SMAP1: variants seen among roughly 807,000 people sequenced by gnomAD.
SMAP1 encodes stromal membrane-associated protein 1.
SMAP1 carries 24 observed loss-of-function variants against 58.5 expected under a neutral mutation model. The observed-to-expected ratio is 0.41, with a 90% CI of 0.30 to 0.58. SMAP1 has a LOEUF of 0.58. SMAP1 is among the 20% of genes least tolerant of loss of function. SMAP1 has a pLI of 0.29. For synonymous variants in SMAP1, 216 were observed against 196.6 expected (o/e 1.10, Z -0.82); for missense variants, 563 against 566.3 (o/e 0.99, Z 0.06).
At chr6:70,689,848 T>G (rs529341511) in intron 1 of SMAP1, among the ~76,000 whole-genome samples, 1 of 152,304 alleles carries the variant, frequency 6.6e-6, no homozygotes, top group South Asian at 2.1e-4. Context: ...CTTTAAAAAT[T>G]TTAATTTCTG....
intron 2 of SMAP1, among the ~76,000 whole-genome samples, chr6:70,747,220 C>T (rs1193585593): frequency 6.6e-6 from 1 of 152,088 alleles, no homozygotes; most frequent in East Asian, 1.9e-4. Flanking sequence ...ATTATCTGGT[C>T]ATATGGTAAG....
intron 6 of SMAP1, among the ~76,000 whole-genome samples, chr6:70,824,303 A>T (rs530385501): frequency 2.0e-5 from 3 of 152,170 alleles, no homozygotes; most frequent in African/African-American, 7.2e-5. Context: ...TCATAAGGTC[A>T]GTATGATAGC....
chr6:70,810,451 T>C (rs1769338063), intron 6 of SMAP1, among the ~76,000 whole-genome samples: 1 of 152,256 alleles, frequency 6.6e-6, no homozygotes, highest in African/African-American at 2.4e-5. Flanking sequence ...ACTAATGCCT[T>C]GGCATTCATC....
intron 6 of SMAP1, among the ~76,000 whole-genome samples, chr6:70,799,504 AT>A: frequency 6.6e-6 from 1 of 152,158 alleles, no homozygotes; most frequent in Middle Eastern, 3.2e-3. Context: ...CTTTGAATGC[AT>A]TTCATCATAA....
chr6:70,713,295 T>C (rs913669395), intron 1 of SMAP1, among the ~76,000 whole-genome samples: 3 of 152,192 alleles, frequency 2.0e-5, no homozygotes, highest in African/African-American at 7.2e-5. Flanking sequence ...TTACTTTCTT[T>C]CTTCTGCTAA....
intron 6 of SMAP1, among the ~76,000 whole-genome samples, chr6:70,806,682 A>G (rs1165370572): frequency 6.6e-6 from 1 of 152,228 alleles, no homozygotes; most frequent in East Asian, 1.9e-4. Flanking sequence ...TATTTATTCT[A>G]GAATTAGTTT....
chr6:70,840,213 A>C (rs1033174539), intron 7 of SMAP1, among the ~76,000 whole-genome samples: 1 of 152,142 alleles, frequency 6.6e-6, no homozygotes, highest in African/African-American at 2.4e-5. Context: ...GATCCTTGGG[A>C]CTCACGGCCT....
chr6:70,722,693 A>G (rs1014757605), intron 1 of SMAP1, among the ~76,000 whole-genome samples: 8 of 152,266 alleles, frequency 5.3e-5, no homozygotes, highest in African/African-American at 1.7e-4. Flanking sequence ...TAGATTAACT[A>G]AAAGTATTCC....
At chr6:70,762,332 A>G (rs1766785338) in intron 3 of SMAP1, among the ~76,000 whole-genome samples, 1 of 152,168 alleles carries the variant, frequency 6.6e-6, no homozygotes, top group Non-Finnish European at 1.5e-5. Context: ...AGAGCTATGA[A>G]GGGACAGTTG....
chr6:70,690,931 A>G (rs1309631107), intron 1 of SMAP1, among the ~76,000 whole-genome samples: 2 of 151,002 alleles, frequency 1.3e-5, no homozygotes, highest in African/African-American at 2.4e-5. Context: ...CTATTCCTTA[A>G]TCGTTTGGTA....
chr6:70,713,438 A>G (rs1180260447), intron 1 of SMAP1, among the ~76,000 whole-genome samples: 1 of 151,596 alleles, frequency 6.6e-6, no homozygotes, highest in East Asian at 1.9e-4. Context: ...GTATCACGTA[A>G]GTTTTGGTTT....
intron 7 of SMAP1, among the ~76,000 whole-genome samples, chr6:70,847,892 AGT>A (rs373993407): frequency 1.5e-4 from 22 of 151,576 alleles, no homozygotes; most frequent in African/African-American, 3.1e-4. Flanking sequence ...TGAAAGAGGA[AGT>A]GTGTGTGTGT....
chr6:70,740,519 TC>T (rs779167587), intron 2 of SMAP1, among the ~76,000 whole-genome samples: 19 of 152,142 alleles, frequency 1.2e-4, no homozygotes, highest in Non-Finnish European at 2.2e-4. Context: ...ATGTTCTTGT[TC>T]TGTTCCCTTT....
intron 1 of SMAP1, among the ~76,000 whole-genome samples, chr6:70,683,718 A>G (rs1766820490): frequency 6.6e-6 from 1 of 152,228 alleles, no homozygotes; most frequent in Non-Finnish European, 1.5e-5. Context: ...TTTCAGTTTC[A>G]GATCTATATC....
intron 1 of SMAP1, among the ~76,000 whole-genome samples, chr6:70,677,785 C>T (rs955253234): frequency 4.6e-5 from 7 of 151,940 alleles, no homozygotes; most frequent in African/African-American, 1.7e-4. Flanking sequence ...GCAAATTTAC[C>T]TAGTATTATC....
At chr6:70,737,450 A>G (rs1025100573) in intron 2 of SMAP1, among the ~76,000 whole-genome samples, 7 of 152,276 alleles carry the variant, frequency 4.6e-5, no homozygotes, top group African/African-American at 1.7e-4. Context: ...CTTGGCCGGA[A>G]ATGTATTTTG....
intron 7 of SMAP1, among the ~76,000 whole-genome samples, chr6:70,840,222 C>T (rs1436878907): frequency 6.6e-6 from 1 of 152,142 alleles, no homozygotes; most frequent in East Asian, 1.9e-4. Flanking sequence ...GACTCACGGC[C>T]TTCTTTATCA....
intron 2 of SMAP1, among the ~76,000 whole-genome samples, chr6:70,733,544 C>CT (rs1171670773): frequency 6.6e-6 from 1 of 151,976 alleles, no homozygotes. Flanking sequence ...TGTTGTAAGT[C>CT]TTTTTTTGTT....
In SMAP1 at chr6:70,732,467, G is replaced by T. The variant is rs1765468221; in HGVS notation, c.208G>T (p.Val70Phe). 6.2e-7 allele frequency: 1 copy of T among 1,612,190 alleles called. No individual in the cohort carries two copies. The highest frequency in any genetic ancestry group is 8.5e-7 in the Non-Finnish European group (1 of 1,178,910). ...AAATCTTGGGGTTCATATATCCAGG[G>T]TCAAATCAGTCAACCTAGACCAATG... ...HRNLGVHISRVKSVNLDQWTA... is the reference protein window; with the variant it reads ...HRNLGVHISRFKSVNLDQWTA... The change falls in exon 2 of 11, where the codon GTC becomes TTC. Residue 70 changes from valine to phenylalanine, a missense_variant. By Grantham distance (50) the Val-to-Phe change is conservative (BLOSUM62 -1). Around this residue, in one of 3 missense-constraint regions of SMAP1, gnomAD observed 17 missense variants for 45.9 expected, o/e 0.37. Transcript: ENST00000370455.
Sources: gnomAD v4.1 joint callset for allele counts (sites outside exome capture counted in the v4.1 genomes callset) on GRCh38, gnomAD v4.1.1 for gene constraint, gnomAD v4.1.1 regional missense constraint, MANE v1.5 for transcripts, NCBI Gene and HGNC (gene_info 2026-07-23, HGNC 2026-07-21) for gene names.